CYP2C19: variants seen among roughly 807,000 people sequenced by gnomAD.
CYP2C19 encodes cytochrome P450 2C19.
Under a neutral mutation model 40.9 loss-of-function variants are expected in CYP2C19, and 59 were observed. That is an observed-to-expected ratio of 1.44 (90% CI 1.17 to 1.79). The LOEUF (loss-of-function observed/expected upper bound fraction) is 1.79. CYP2C19 is among the 40% of genes most tolerant of loss of function. CYP2C19 has a pLI of 0.00. For synonymous variants in CYP2C19, 253 were observed against 208.7 expected, an observed-to-expected ratio of 1.21 and a Z score of -1.83; for missense variants, 754 against 596.9, an observed-to-expected ratio of 1.26 and a Z score of -2.74.
intron 7 of CYP2C19, among the ~76,000 whole-genome samples, chr10:94,848,922 G>C (rs1849612264): frequency 6.6e-6 from 1 of 152,114 alleles, no homozygotes; most frequent in Admixed American, 6.5e-5. Context: ...TTTGTCCATT[G>C]ATTTTGTATC....
chr10:94,799,517 T>C (rs1007117322), intron 5 of CYP2C19, among the ~76,000 whole-genome samples: 1 of 152,162 alleles, frequency 6.6e-6, no homozygotes, highest in Non-Finnish European at 1.5e-5. Flanking sequence ...TTTGTGGCTT[T>C]CTCTGTGTTT....
At position 94,852,828 on chromosome 10, in the gene CYP2C19, G is replaced by A; in HGVS notation, c.1387G>A (p.Asp463Asn). 1 of 1,613,968 alleles carries A rather than the reference G, an allele frequency of 6.2e-7. No individual in the cohort carries two copies. The highest frequency in any genetic ancestry group is 8.5e-7 in the Non-Finnish European group (1 of 1,179,954). ...GAACTTTAACCTGAAATCTCTGATT[G>A]ACCCAAAGGACCTTGACACAACTCC... ...LQNFNLKSLI[D>N]PKDLDTTPVV... The change falls in exon 9 of 9, where the codon GAC becomes AAC. Residue 463 changes from aspartate (D) to asparagine (N), a missense_variant. By Grantham distance (23) the Asp-to-Asn change is conservative. Transcript: ENST00000371321.
intron 6 of CYP2C19, among the ~76,000 whole-genome samples, chr10:94,829,247 C>G (rs1299562753): frequency 6.6e-6 from 1 of 152,158 alleles, no homozygotes; most frequent in African/African-American, 2.4e-5. Flanking sequence ...TGGATAATAT[C>G]CTGCAGAGTG....
At chr10:94,781,221 A>G (rs1848475083) in intron 4 of CYP2C19, among the ~76,000 whole-genome samples, 1 of 152,102 alleles carries the variant, frequency 6.6e-6, no homozygotes. Flanking sequence ...TGGTGTATGA[A>G]CCATAAACAG....
At chr10:94,783,772 T>C (rs1000641353) in intron 5 of CYP2C19, among the ~76,000 whole-genome samples, 6 of 152,260 alleles carry the variant, frequency 3.9e-5, no homozygotes, top group South Asian at 4.1e-4. Context: ...AATACTGTTT[T>C]CACTATTCTG....
intron 1 of CYP2C19, among the ~76,000 whole-genome samples, chr10:94,764,043 G>T (rs189426848): frequency 1.5e-3 from 229 of 152,198 alleles, no homozygotes; most frequent in African/African-American, 4.7e-3. Flanking sequence ...GTGGGTTTCT[G>T]GTCTCGCTGG....
intron 5 of CYP2C19, among the ~76,000 whole-genome samples, chr10:94,797,302 T>C (rs1168439048): frequency 6.6e-6 from 1 of 152,172 alleles, no homozygotes; most frequent in Non-Finnish European, 1.5e-5. Flanking sequence ...GTTTATTGAT[T>C]TGCATATGTT....
chr10:94,848,850 A>G lies in CYP2C19; in HGVS notation c.1150-1067A>G, dbSNP rs533186353. ...TTCTCTTTGAAGCAATTGTGAATGGAAGTTCACTCATGATTTGGCTCTCTG... is the reference window on the plus strand; with the variant it reads ...TTCTCTTTGAAGCAATTGTGAATGGGAGTTCACTCATGATTTGGCTCTCTG... On this transcript the variant is annotated intron_variant, in intron 7 of 8. Transcript: ENST00000371321. Among the ~76,000 whole-genome samples the G allele has an allele frequency of 3.1e-3, 475 of 152,158 alleles. 3 individuals are homozygous for G. The highest frequency in any genetic ancestry group is 0.011 in the African/African-American group (451 of 41,506).
chr10:94,782,710 C>T (rs879691566), intron 5 of CYP2C19, among the ~76,000 whole-genome samples: 5 of 152,008 alleles, frequency 3.3e-5, no homozygotes, highest in Non-Finnish European at 7.4e-5. Context: ...GGAATCAACC[C>T]AAATGTACAT....
intron 6 of CYP2C19, among the ~76,000 whole-genome samples, chr10:94,828,731 G>T (rs934204812): frequency 6.6e-6 from 1 of 151,790 alleles, no homozygotes; most frequent in Non-Finnish European, 1.5e-5. Flanking sequence ...TATTTTGCTC[G>T]TTAGTTGATG....
At chr10:94,817,868 C>A (rs1392993171) in intron 5 of CYP2C19, among the ~76,000 whole-genome samples, 51 of 151,754 alleles carry the variant, frequency 3.4e-4, no homozygotes, top group Admixed American at 7.9e-4. Flanking sequence ...AAAAAATTAG[C>A]CGGGCGTAGT....
At chr10:94,840,475 A>T (rs1265049966) in intron 6 of CYP2C19, among the ~76,000 whole-genome samples, 1 of 152,068 alleles carries the variant, frequency 6.6e-6, no homozygotes, top group Admixed American at 6.5e-5. Context: ...GACTCCTTAG[A>T]TCCCTTTAGA....
intron 5 of CYP2C19, among the ~76,000 whole-genome samples, chr10:94,817,271 C>G (rs987548823): frequency 2.0e-5 from 3 of 150,784 alleles, no homozygotes; most frequent in South Asian, 4.2e-4. Context: ...GATTGCCATT[C>G]TAACTGGTGT....
intron 6 of CYP2C19, among the ~76,000 whole-genome samples, chr10:94,833,644 T>C (rs1849361990): frequency 6.6e-6 from 1 of 152,200 alleles, no homozygotes; most frequent in South Asian, 2.1e-4. Context: ...TCATGTCCTT[T>C]GTAGGAACAT....
intron 5 of CYP2C19, among the ~76,000 whole-genome samples, chr10:94,791,305 T>C (rs891705380): frequency 6.6e-6 from 1 of 152,254 alleles, no homozygotes; most frequent in Admixed American, 6.5e-5. Context: ...TTGTTGATCT[T>C]TTCAAAAAAC....
chr10:94,805,264 T>C (rs1306371564), intron 5 of CYP2C19, among the ~76,000 whole-genome samples: 1 of 152,162 alleles, frequency 6.6e-6, no homozygotes, highest in Non-Finnish European at 1.5e-5. Context: ...TTTGTTATGA[T>C]AGGTGTTGAA....
intron 5 of CYP2C19, among the ~76,000 whole-genome samples, chr10:94,801,506 T>C (rs1460512995): frequency 6.6e-6 from 1 of 152,214 alleles, no homozygotes; most frequent in East Asian, 1.9e-4. Flanking sequence ...AGTGTTTTAC[T>C]TCTAGTTATG....
chr10:94,850,170 C>G, intron 8 of CYP2C19, 112 bp downstream of exon 8: 1 of 1,261,602 alleles, frequency 7.9e-7, no homozygotes, highest in East Asian at 2.3e-5. Flanking sequence ...TGTACATGAT[C>G]AAGAGCACTG....
intron 3 of CYP2C19, among the ~76,000 whole-genome samples, chr10:94,777,350 C>T (rs1326158801): frequency 6.6e-6 from 1 of 152,080 alleles, no homozygotes; most frequent in Non-Finnish European, 1.5e-5. Flanking sequence ...CCAAGACAAT[C>T]CTAAGCAAAA....
Sources: gnomAD v4.1 joint callset for allele counts (sites outside exome capture counted in the v4.1 genomes callset) on GRCh38, gnomAD v4.1.1 for gene constraint, MANE v1.5 for transcripts, NCBI Gene and HGNC (gene_info 2026-07-23, HGNC 2026-07-21) for gene names.